ZNF483: variants seen among roughly 807,000 people sequenced by gnomAD.
ZNF483 encodes zinc finger protein 483, also known as zinc finger protein HIT-10.
In ZNF483, 9 loss-of-function variants were observed where a neutral mutation model predicts 28.6. The ratio of observed to expected loss-of-function variants is 0.32; its 90% CI spans 0.19 to 0.55. The LOEUF (loss-of-function observed/expected upper bound fraction) is 0.55. Ranked by LOEUF, ZNF483 falls within the 20% of genes least tolerant of loss-of-function variation. The probability of loss-of-function intolerance (pLI) is 0.93; values close to 1 mark genes in which losing one functional copy is unlikely to be tolerated. For missense variants in ZNF483, 675 were observed against 871.7 expected (o/e 0.77, Z 2.84); for synonymous variants, 322 against 306.2 (o/e 1.05, Z -0.54).
downstream of ZNF483, among the ~76,000 whole-genome samples, chr9:111,557,746 G>A (rs1177004954): frequency 6.6e-6 from 1 of 152,164 alleles, no homozygotes; most frequent in Non-Finnish European, 1.5e-5. Flanking sequence ...TCTCATTATG[G>A]ATGATGTTAA....
At chr9:111,556,078 G>T (rs1047448474), downstream of ZNF483, among the ~76,000 whole-genome samples, 3 of 152,240 alleles carry the variant, frequency 2.0e-5, no homozygotes, top group Non-Finnish European at 2.9e-5. Context: ...TACAGACACT[G>T]GGTAAATGCT....
At chr9:111,540,567 G>A (rs1359073744) in intron 5 of ZNF483, among the ~76,000 whole-genome samples, 2 of 152,186 alleles carry the variant, frequency 1.3e-5, no homozygotes, top group Non-Finnish European at 2.9e-5. Flanking sequence ...ATTCTATGTA[G>A]TAGGAAGTAT....
chr9:111,530,419 C>G (rs1827293977), intron 2 of ZNF483, among the ~76,000 whole-genome samples: 1 of 152,040 alleles, frequency 6.6e-6, no homozygotes, highest in Non-Finnish European at 1.5e-5. Context: ...GTGAGCCACT[C>G]TAGCAAATTA....
intron 5 of ZNF483, among the ~76,000 whole-genome samples, chr9:111,573,016 A>G (rs1165327287): frequency 6.6e-6 from 1 of 152,186 alleles, no homozygotes; most frequent in African/African-American, 2.4e-5. Flanking sequence ...GGAATATGTT[A>G]GAATTTCTGG....
intron 5 of ZNF483, chr9:111,570,273 G>T: frequency 6.5e-7 from 1 of 1,548,248 alleles, no homozygotes; most frequent in Non-Finnish European, 8.7e-7. Context: ...GAAACAAGCA[G>T]TACAGGTCAC....
At position 111,542,157 on chromosome 9, in the gene ZNF483, A is replaced by G. The variant is rs1827689555; in HGVS notation, c.1222A>G (p.Arg408Gly). 1 of 1,614,122 alleles carries G rather than the reference A, an allele frequency of 6.2e-7. No homozygotes were observed. Among genetic ancestry groups the G allele is most frequent in the Non-Finnish European group, 8.5e-7 (1 of 1,180,040 alleles). The change falls in exon 6 of 6, where the codon AGA (arginine) becomes GGA (glycine). Residue 408 changes from arginine (R) to glycine (G), a missense_variant. Transcript: ENST00000309235. This position sits in a 1 kb window ranked among gnomAD's most constrained non-coding sequence, Gnocchi z 6.2. ...TATTAGAAGATCAACTCTTTCTAGG[A>G]GAAAAACCCCTATGTGTGAGAAATG... ...IFIRRSTLSR[R>G]KTPMCEKCRK...
downstream of ZNF483, among the ~76,000 whole-genome samples, chr9:111,558,184 A>C (rs1828180066): frequency 6.6e-6 from 1 of 152,082 alleles, no homozygotes. Context: ...TTCCTCATCA[A>C]GTTTTCAGTG....
chr9:111,571,437 A>G (rs192802291), intron 5 of ZNF483, among the ~76,000 whole-genome samples: 3 of 149,412 alleles, frequency 2.0e-5, no homozygotes, highest in Admixed American at 1.4e-4. Flanking sequence ...AAACAAACAA[A>G]AGAATAAACA....
In ZNF483 at chr9:111,542,127, A is replaced by T; in HGVS notation, c.1192A>T (p.Ile398Phe). The change falls in exon 6 of 6, where the codon ATC becomes TTC. Residue 398 changes from isoleucine to phenylalanine, a missense_variant. Physicochemically the swap from Ile to Phe is conservative, Grantham distance 21. This residue lies in a region of ZNF483 where 525 missense variants were observed against 581.8 expected (regional missense o/e 0.90). Coordinates refer to ENST00000309235, the MANE Select transcript of ZNF483 (RefSeq NM_133464.5). This position sits in a 1 kb window ranked among gnomAD's most constrained non-coding sequence, Gnocchi z 6.2. ...RSQKCSKCGI[I>F]FIRRSTLSRR... ...CCAAAAATGCAGTAAGTGTGGGATAATCTTTATTAGAAGATCAACTCTTTC... is the reference window on the plus strand; with the variant it reads ...CCAAAAATGCAGTAAGTGTGGGATATTCTTTATTAGAAGATCAACTCTTTC... 6.2e-7 allele frequency: 1 copy of T among 1,614,138 alleles called. No individual in the cohort carries two copies. Among genetic ancestry groups the T allele is most frequent in the Non-Finnish European group, 8.5e-7 (1 of 1,180,038 alleles).
intron 5 of ZNF483, among the ~76,000 whole-genome samples, chr9:111,573,827 A>T (rs2132367941): frequency 1.3e-5 from 2 of 152,186 alleles, no homozygotes; most frequent in South Asian, 4.1e-4. Flanking sequence ...CTGCTTTTGG[A>T]CCTCAGAGTG....
chr9:111,551,400 GTTTTTTTTTT>G lies in ZNF483; in HGVS notation c.*8246_*8255del, dbSNP rs58638722. Among the ~76,000 whole-genome samples, 1 of 74,430 alleles carries G rather than the reference GTTTTTTTTTT, an allele frequency of 1.3e-5. No homozygotes were observed. Among genetic ancestry groups the G allele is most frequent in the East Asian group, 4.5e-4 (1 of 2,228 alleles). 48.8% of individuals were successfully genotyped at this position (74,430 alleles called of 152,430 possible). On this transcript the variant is annotated 3_prime_UTR_variant, in exon 6 of 6. Coordinates refer to ENST00000309235, the MANE Select transcript of ZNF483 (RefSeq NM_133464.5). The stretch of plus-strand genomic sequence containing the variant: ...TAACTGAATCAAGTATCCAGTTTTT[GTTTTTTTTTT>G]TTTTTTTTTTTTTTTGAGATGGAGT...
In ZNF483 at chr9:111,546,941, TG is replaced by T. The variant is rs1827822835; in HGVS notation, c.*3772del. On this transcript the variant is annotated 3_prime_UTR_variant, in exon 6 of 6. Transcript: ENST00000309235. ...GGTATGAATGGAATCATACAATATT[TG>T]CCCTGTTGTGTTTGGCTTATTCCAC... Among the ~76,000 whole-genome samples the T allele has an allele frequency of 6.6e-6, 1 of 152,202 alleles. No individual in the cohort carries two copies. Among genetic ancestry groups the T allele is most frequent in the Admixed American group, 6.5e-5 (1 of 15,268 alleles).
intron 5 of ZNF483, among the ~76,000 whole-genome samples, chr9:111,540,400 TAAA>T (rs1827644802): frequency 6.6e-6 from 1 of 152,228 alleles, no homozygotes; most frequent in African/African-American, 2.4e-5. Flanking sequence ...GACCTCATGG[TAAA>T]AAGCCAGGAT....
chr9:111,564,632 C>T (rs1005682500), intron 5 of ZNF483, among the ~76,000 whole-genome samples: 4 of 151,860 alleles, frequency 2.6e-5, no homozygotes, highest in African/African-American at 9.7e-5. Context: ...ACTTGAAAGC[C>T]CCAACTCATT....
chr9:111,577,298 A>C (rs1421991311), exon 6 of ZNF483: 2 of 152,230 alleles, frequency 1.3e-5, no homozygotes, highest in East Asian at 3.9e-4. Context: ...ATAATAAAAA[A>C]GACAGACAAT....
downstream of ZNF483, among the ~76,000 whole-genome samples, chr9:111,556,000 C>T (rs1828111313): frequency 6.6e-6 from 1 of 152,228 alleles, no homozygotes; most frequent in African/African-American, 2.4e-5. Flanking sequence ...AGGCAAGTCC[C>T]TTCCACCTAT....
At position 111,527,483 on chromosome 9, in the gene ZNF483, A is replaced by G. The variant is rs139460326; in HGVS notation, c.88A>G (p.Arg30Gly). 3.5e-5 allele frequency: 57 copies of G among 1,614,122 alleles called. No individual in the cohort carries two copies. The highest frequency in any genetic ancestry group is 1.3e-4 in the Admixed American group (8 of 60,004). Residue 30 changes from arginine (R) to glycine (G), a missense_variant, in exon 2 of 6, where the codon AGA (arginine) becomes GGA (glycine). Arg to Gly is a moderately radical substitution (Grantham distance 125, BLOSUM62 -2). Transcript: ENST00000309235. ...LASTEQNEVP[R>G]VVTSGEQEAI... ...CTCGACTGAACAAAATGAGGTCCCA[A>G]GAGTGGTTACTTCTGGGGAACAAGA...
chr9:111,527,835 C>T (rs113389094), intron 2 of ZNF483, 28 bp downstream of exon 2: 29 of 1,614,040 alleles, frequency 1.8e-5, no homozygotes, highest in African/African-American at 8.0e-5. Context: ...AGGGAGGAAG[C>T]GGGAGACATT....
chr9:111,536,706 C>T (rs887235504), intron 5 of ZNF483, among the ~76,000 whole-genome samples: 2 of 145,952 alleles, frequency 1.4e-5, no homozygotes, highest in Non-Finnish European at 3.0e-5. Context: ...ACTGACCGCA[C>T]CCCCCCCGCC....
Sources: gnomAD v4.1 joint callset for allele counts (sites outside exome capture counted in the v4.1 genomes callset) on GRCh38, gnomAD v4.1.1 for gene constraint, gnomAD v4.1.1 regional missense constraint, Gnocchi (gnomAD v3.1) non-coding constraint, MANE v1.5 for transcripts, NCBI Gene and HGNC (gene_info 2026-07-23, HGNC 2026-07-21) for gene names.